The following ECH1 variants were observed in gnomAD, a reference collection of about 807,000 sequenced individuals.
The protein encoded by ECH1 is enoyl-CoA hydratase 1.
ECH1 carries 30 observed loss-of-function variants against 37.0 expected under a neutral mutation model. The ratio of observed to expected loss-of-function variants is 0.81; its 90% confidence interval spans 0.61 to 1.10. ECH1 has a LOEUF of 1.10. Among genes scored for constraint, ECH1 ranks in the 50% least tolerant of loss-of-function variants. The pLI is 0.00. For synonymous variants in ECH1, 178 were observed against 176.0 expected (o/e 1.01, Z -0.09); for missense variants, 456 against 441.6 (o/e 1.03, Z -0.29).
chr19:38,830,011 G>T (rs567017906), intron 3 of ECH1, among the ~76,000 whole-genome samples: 23 of 152,210 alleles, frequency 1.5e-4, no homozygotes, highest in Middle Eastern at 3.4e-3. Context: ...CAAAAAATTA[G>T]CCGGGCGTGG....
intron 3 of ECH1, chr19:38,818,465 T>C (rs968333905): frequency 1.2e-6 from 1 of 812,016 alleles, no homozygotes; most frequent in African/African-American, 1.9e-5. Flanking sequence ...GACACCTTCT[T>C]GGGTCAGATC....
intron 3 of ECH1, among the ~76,000 whole-genome samples, chr19:38,821,791 G>A (rs2113125): frequency 0.055 from 8,426 of 152,126 alleles, 327 homozygotes; most frequent in Non-Finnish European, 0.079. Context: ...GCCGCCGTGG[G>A]CTCCTGCACA....
At chr19:38,827,117 A>G (rs1600025989) in intron 3 of ECH1, among the ~76,000 whole-genome samples, 1 of 56,706 alleles carries the variant, frequency 1.8e-5, no homozygotes. Context: ...GAGGAGAGGG[A>G]GGGAGGGGAG....
At position 38,818,930 on chromosome 19, in the gene ECH1, T is replaced by TGC. The variant is rs572871334; in HGVS notation, c.350-1356_350-1355insGC. Among the ~76,000 whole-genome samples, 119 of 108,968 alleles carry TGC rather than the reference T, an allele frequency of 1.1e-3. 1 individual carries two copies. The highest frequency in any genetic ancestry group is 1.4e-3 in the African/African-American group (43 of 31,720). 71.5% of individuals were successfully genotyped at this position (108,968 alleles called of 152,430 possible). On this transcript the variant is annotated intron_variant, in intron 3 of 9. Coordinates refer to ENST00000221418, the MANE Select transcript of ECH1 (RefSeq NM_001398.3). ...GTGTGTGTGTGTGTGTGTGTGTGTG[T>TGC]GTGCACTGTTCCCAACCTGTTACTT...
At chr19:38,825,261 A>G (rs899866481) in intron 3 of ECH1, among the ~76,000 whole-genome samples, 1 of 152,174 alleles carries the variant, frequency 6.6e-6, no homozygotes, top group African/African-American at 2.4e-5. Context: ...CTTGACTTAG[A>G]TCATGGGGAC....
intron 3 of ECH1, among the ~76,000 whole-genome samples, chr19:38,826,786 G>A (rs1042527479): frequency 9.2e-5 from 14 of 152,060 alleles, no homozygotes; most frequent in Non-Finnish European, 1.5e-5. Context: ...TCAGGCACTG[G>A]CCCAAGATCT....
intron 8 of ECH1, 32 bp downstream of exon 8, chr19:38,816,252 C>G (rs1467353810): frequency 1.2e-6 from 2 of 1,610,864 alleles, no homozygotes; most frequent in Admixed American, 1.7e-5. Context: ...CTGGCTGCCC[C>G]CAGCACTGAG....
chr19:38,815,624 A>T lies in ECH1; in HGVS notation c.976T>A (p.Ser326Thr). 6.2e-7 allele frequency: 1 copy of T among 1,614,156 alleles called. No individual in the cohort carries two copies. Among genetic ancestry groups the T allele is most frequent in the Non-Finnish European group, 8.5e-7 (1 of 1,180,034 alleles). Reference protein sequence around the residue: ...ENKELKTVTFSKL With the variant: ...ENKELKTVTFTKL ...GGACGCGAGGGCTCTCAGAGCTTGG[A>T]GAAGGTGACGGTTTTCAGTTCCTTG... The change falls in exon 10 of 10, where the codon TCC becomes ACC. Residue 326 changes from serine to threonine, a missense_variant. Transcript: ENST00000221418.
At chr19:38,822,829 G>A (rs185096342) in intron 3 of ECH1, among the ~76,000 whole-genome samples, 53 of 152,334 alleles carry the variant, frequency 3.5e-4, no homozygotes, top group Admixed American at 1.2e-3. Flanking sequence ...CAGGCTGTCC[G>A]AGCCAGCAGT....
rs1452262970 is a variant in ECH1 at position 38,817,106 on chromosome 19, C to G, written c.547G>C (p.Asp183His). ...GGGVDLVTAC[D>H]IRYCAQDAFF... The stretch of plus-strand genomic sequence containing the variant: ...GCATCCTGGGCACAGTACCGGATGT[C>G]ACAGGCGGTGACAAGGTCCACACCT... The change falls in exon 6 of 10, where the codon GAC becomes CAC. Residue 183 changes from aspartate to histidine, a missense_variant. Transcript: ENST00000221418. 1.9e-6 allele frequency: 3 copies of G among 1,576,594 alleles called. No homozygotes were observed. The highest frequency in any genetic ancestry group is 2.6e-6 in the Non-Finnish European group (3 of 1,161,254).
At chr19:38,822,317 T>C (rs1971675499) in intron 3 of ECH1, among the ~76,000 whole-genome samples, 1 of 151,636 alleles carries the variant, frequency 6.6e-6, no homozygotes, top group African/African-American at 2.4e-5. Flanking sequence ...CAATCAGCAC[T>C]CTGTATCTAG....
chr19:38,818,974 A>ACT lies in ECH1; in HGVS notation c.350-1401_350-1400dup, dbSNP rs1391324697. The ACT allele has an allele frequency of 2.4e-5, 6 of 247,910 alleles. No homozygotes were observed. The Admixed American group carries it at 5.4e-4, about 22-fold the overall frequency. The allele number at this position is 247,910 out of a possible 1,614,324, so 15.4% of individuals were successfully genotyped here. A position where few individuals can be genotyped will look rare whatever the true frequency, so the allele number is the denominator to read the frequency against. On this transcript the variant is annotated intron_variant, in intron 3 of 9. Transcript: ENST00000221418. ...GTTACTTTGGGCACACTGGTCTCCAACTCTGTGTGTGTGTGTGTGTGTGTG... is the reference window on the plus strand; with the variant it reads ...GTTACTTTGGGCACACTGGTCTCCAACTCTCTGTGTGTGTGTGTGTGTGTGTG...
rs574622981 is a variant in ECH1, at chr19:38,822,700, G to A, written c.350-5125C>T. Among the ~76,000 whole-genome samples, 10 of 152,256 alleles carry A rather than the reference G, an allele frequency of 6.6e-5. No homozygotes were observed. In the South Asian group the frequency reaches 1.0e-3, roughly 16 times the overall value. ...TGTGTCTAGCTCAGGGATTGTAAAC[G>A]CACCAGTCAGCACCCTGTCAAAATG... is the stretch of plus-strand genomic sequence containing the variant. On this transcript the variant is annotated intron_variant, in intron 3 of 9. Transcript: ENST00000221418.
chr19:38,829,053 G>A (rs1443765575), intron 3 of ECH1, among the ~76,000 whole-genome samples: 1 of 151,246 alleles, frequency 6.6e-6, no homozygotes, highest in African/African-American at 2.4e-5. Context: ...GGGAGGCCGA[G>A]GGGGGCCGAT....
chr19:38,819,008 T>TGTGTGTGTGTGTGTTTGTGC (rs371773394), intron 3 of ECH1: 1 of 324,272 alleles, frequency 3.1e-6, no homozygotes, highest in Admixed American at 6.6e-5. Flanking sequence ...TGTGTGTGTG[T>TGTGTGTGTGTGTGTTTGTGC]GCGGGCACGT....
chr19:38,815,822 A>C (rs768040303), intron 9 of ECH1, 35 bp downstream of exon 9: 11 of 1,613,520 alleles, frequency 6.8e-6, no homozygotes, highest in South Asian at 2.2e-5. Flanking sequence ...CTGGGGTTAG[A>C]GGAGGGCTGT....
chr19:38,828,041 T>C (rs1971763453), intron 3 of ECH1, among the ~76,000 whole-genome samples: 1 of 151,726 alleles, frequency 6.6e-6, no homozygotes, highest in Admixed American at 6.6e-5. Context: ...CAAGACCTCA[T>C]CTCTACAAAA....
In ECH1 at chr19:38,816,085, C is replaced by G. The variant is rs552290076; in HGVS notation, c.732-78G>C. ...AGCCTCCCGCAGATGAAGAAGTGGC[C>G]ACTCACAGAGGAAGGCCCAAGACCC... On this transcript the variant is annotated intron_variant, in intron 8 of 9. Coordinates refer to ENST00000221418, the MANE Select transcript of ECH1 (RefSeq NM_001398.3). The G allele has an allele frequency of 1.9e-6, 3 of 1,584,156 alleles. No homozygotes were observed. The South Asian group carries it at 3.4e-5, about 18-fold the overall frequency.
chr19:38,817,256 G>A (rs911790850), intron 5 of ECH1, 60 bp downstream of exon 5: 3 of 1,529,898 alleles, frequency 2.0e-6, no homozygotes, highest in Non-Finnish European at 2.6e-6. Context: ...AGTGGCCGCG[G>A]CATCGGAGCA....
Sources: allele counts gnomAD v4.1 joint callset (sites outside exome capture counted in the v4.1 genomes callset), GRCh38; gene constraint gnomAD v4.1.1; transcripts MANE v1.5; gene names NCBI Gene and HGNC (gene_info 2026-07-23, HGNC 2026-07-21).